The following MCOLN2 variants were observed in gnomAD, a reference collection of about 807,000 sequenced individuals.
MCOLN2 encodes the protein mucolipin TRP cation channel 2.
Under a neutral mutation model 67.5 loss-of-function variants are expected in MCOLN2, and 57 were observed. The observed-to-expected ratio is 0.84, with a 90% CI of 0.68 to 1.05. The LOEUF (loss-of-function observed/expected upper bound fraction) is 1.05, where lower values mean the gene tolerates loss of function less well. MCOLN2 is among the 50% of genes least tolerant of loss of function. The pLI, the probability that MCOLN2 is intolerant of heterozygous loss-of-function variation, is 0.00. For missense variants in MCOLN2, 620 were observed against 678.8 expected (o/e 0.91, Z 0.96); for synonymous variants, 246 against 233.3 (o/e 1.05, Z -0.50).
At chr1:84,946,905 A>G (rs1648140176) in intron 7 of MCOLN2, 128 bp downstream of exon 7, 4 of 580,354 alleles carry the variant, frequency 6.9e-6, no homozygotes, top group Admixed American at 6.1e-5. Context: ...TATTCTTTAC[A>G]GGATCTAATG....
At chr1:84,944,272 C>G (rs926901103) in intron 7 of MCOLN2, among the ~76,000 whole-genome samples, 17 of 152,134 alleles carry the variant, frequency 1.1e-4, no homozygotes, top group African/African-American at 4.1e-4. Context: ...CGGTGGCTCA[C>G]GCCTGTAATC....
At chr1:84,968,525 A>T (rs1649493418) in intron 1 of MCOLN2, among the ~76,000 whole-genome samples, 1 of 152,254 alleles carries the variant, frequency 6.6e-6, no homozygotes, top group African/African-American at 2.4e-5. Context: ...AGGACTAAGC[A>T]TATTGGAAAT....
At chr1:84,959,042 C>A (rs1648942754) in intron 2 of MCOLN2, among the ~76,000 whole-genome samples, 1 of 152,132 alleles carries the variant, frequency 6.6e-6, no homozygotes, top group Non-Finnish European at 1.5e-5. Context: ...TTTTCAAAAT[C>A]AATTACTTAG....
chr1:84,953,679 AG>A (rs1479493396), intron 4 of MCOLN2, among the ~76,000 whole-genome samples: 1 of 151,956 alleles, frequency 6.6e-6, no homozygotes. Context: ...AGAAAGAAAA[AG>A]AACACAGGTT....
chr1:84,940,808 G>T, intron 8 of MCOLN2, 71 bp downstream of exon 8: 1 of 937,064 alleles, frequency 1.1e-6, no homozygotes, highest in Non-Finnish European at 1.6e-6. Flanking sequence ...CACAATATCG[G>T]TGGTCCACTG....
At chr1:84,949,365 G>A (rs536914246) in intron 6 of MCOLN2, among the ~76,000 whole-genome samples, 82 of 152,304 alleles carry the variant, frequency 5.4e-4, no homozygotes, top group African/African-American at 1.9e-3. Context: ...TAGGCCGGGC[G>A]CGGTGGCTCA....
intron 13 of MCOLN2, 142 bp downstream of exon 13, chr1:84,929,416 T>G: frequency 1.0e-6 from 1 of 959,830 alleles, no homozygotes; most frequent in Non-Finnish European, 1.5e-6. Context: ...AAAGCCAATT[T>G]CAGTGGGAGG....
chr1:84,990,165 G>A (rs1267305510), intron 1 of MCOLN2, among the ~76,000 whole-genome samples: 1 of 151,774 alleles, frequency 6.6e-6, no homozygotes. Context: ...GGGCATGGTG[G>A]TGTGCTCCTG....
At chr1:84,942,684 T>G (rs1455220213) in intron 7 of MCOLN2, among the ~76,000 whole-genome samples, 1 of 152,176 alleles carries the variant, frequency 6.6e-6, no homozygotes, top group Non-Finnish European at 1.5e-5. Context: ...TGAAATTTAA[T>G]CCCCAATGTG....
intron 1 of MCOLN2, among the ~76,000 whole-genome samples, chr1:84,977,442 G>A (rs1189566937): frequency 1.4e-5 from 2 of 140,434 alleles, no homozygotes; most frequent in Admixed American, 7.1e-5. Context: ...AAAAGACATA[G>A]ACTGGCTAAA....
At chr1:84,971,673 A>T (rs1649694861) in intron 1 of MCOLN2, among the ~76,000 whole-genome samples, 1 of 152,208 alleles carries the variant, frequency 6.6e-6, no homozygotes, top group Non-Finnish European at 1.5e-5. Flanking sequence ...TCTTTTATTT[A>T]ACACATATTT....
At chr1:84,992,131 T>G (rs188565079) in intron 1 of MCOLN2, among the ~76,000 whole-genome samples, 13 of 152,340 alleles carry the variant, frequency 8.5e-5, no homozygotes, top group Non-Finnish European at 1.6e-4. Context: ...AGAAAATCCC[T>G]GTAGTTGGCA....
rs755530385 is a variant in MCOLN2, at chr1:84,926,728, C to T, written c.1665-7G>A. The T allele has an allele frequency of 2.2e-5, 35 of 1,587,390 alleles. No homozygotes were observed. The highest frequency in any genetic ancestry group is 2.7e-5 in the African/African-American group (2 of 74,242). On this transcript the variant is annotated splice_polypyrimidine_tract_variant and splice_region_variant and intron_variant, in intron 13 of 13. Transcript: ENST00000370608. ...GTGATCATCACTTCTTTTCCTGTAA[C>T]AGAAAGGGAAAGAAGAAAAGAGGAA...
intron 1 of MCOLN2, among the ~76,000 whole-genome samples, chr1:84,981,625 G>C (rs1232120894): frequency 1.3e-5 from 2 of 152,176 alleles, no homozygotes; most frequent in Non-Finnish European, 2.9e-5. Context: ...TTCATGGACA[G>C]AGAGAGTAGA....
chr1:84,943,353 T>G (rs639500), intron 7 of MCOLN2, among the ~76,000 whole-genome samples: 46,258 of 151,864 alleles, frequency 0.3, 8,040 homozygotes, highest in African/African-American at 0.47. Context: ...TCAGTGGCAG[T>G]TAAAGCCATG....
intron 2 of MCOLN2, among the ~76,000 whole-genome samples, chr1:84,961,523 T>C (rs996471289): frequency 6.6e-6 from 1 of 152,156 alleles, no homozygotes; most frequent in Non-Finnish European, 1.5e-5. Context: ...TCCTCCATTC[T>C]ATTCATAGAA....
At chr1:84,987,054 T>C (rs116773940) in intron 1 of MCOLN2, among the ~76,000 whole-genome samples, 2,072 of 152,122 alleles carry the variant, frequency 0.014, 50 homozygotes, top group African/African-American at 0.048. Flanking sequence ...GAAGTCGTTA[T>C]ATGAAAAAGA....
chr1:84,965,802 A>T, intron 1 of MCOLN2, 94 bp from the exon 2 acceptor site: 2 of 1,074,768 alleles, frequency 1.9e-6, no homozygotes. Context: ...GTTGGTACAT[A>T]TGGCATGTCA....
intron 1 of MCOLN2, among the ~76,000 whole-genome samples, chr1:84,980,004 A>C (rs1482632835): frequency 6.6e-6 from 1 of 152,234 alleles, no homozygotes; most frequent in Non-Finnish European, 1.5e-5. Context: ...CAACATACAA[A>C]AATCAGTAGC....
Sources: allele counts gnomAD v4.1 joint callset (sites outside exome capture counted in the v4.1 genomes callset), GRCh38; gene constraint gnomAD v4.1.1; transcripts MANE v1.5; gene names NCBI Gene and HGNC (gene_info 2026-07-23, HGNC 2026-07-21).